MDGA2: variants seen among roughly 807,000 people sequenced by gnomAD.
MDGA2 encodes the protein MAM domain-containing glycosylphosphatidylinositol anchor protein 2.
MDGA2 carries 40 observed loss-of-function variants against 117.8 expected under a neutral mutation model. The observed-to-expected ratio is 0.34, with a 90% CI of 0.26 to 0.44. MDGA2 has a LOEUF of 0.44. Ranked by LOEUF, MDGA2 falls within the 20% of genes least tolerant of loss-of-function variation. The pLI, the probability that MDGA2 is intolerant of heterozygous loss-of-function variation, is 1.00. For synonymous variants in MDGA2, 452 were observed against 439.0 expected (o/e 1.03, Z -0.37); for missense variants, 1,123 against 1,250.6 (o/e 0.90, Z 1.54).
chr14:46,960,678 T>C (rs1010672998), intron 8 of MDGA2: 7 of 151,536 alleles, frequency 4.6e-5, no homozygotes, highest in African/African-American at 1.7e-4. Flanking sequence ...CACACACATA[T>C]ACATACATAT....
At chr14:46,894,953 G>A (rs957504676) in intron 10 of MDGA2, among the ~76,000 whole-genome samples, 1 of 152,148 alleles carries the variant, frequency 6.6e-6, no homozygotes, top group Non-Finnish European at 1.5e-5. Flanking sequence ...AATTAATTTT[G>A]TTATAGATTT....
chr14:47,578,342 C>A (rs1896154571), intron 1 of MDGA2, among the ~76,000 whole-genome samples: 1 of 152,034 alleles, frequency 6.6e-6, no homozygotes, highest in Non-Finnish European at 1.5e-5. Flanking sequence ...ATAGGCCCAG[C>A]ACACCATTGC....
At chr14:47,141,217 A>G (rs1445631619) in intron 4 of MDGA2, among the ~76,000 whole-genome samples, 3 of 152,204 alleles carry the variant, frequency 2.0e-5, no homozygotes, top group Non-Finnish European at 2.9e-5. Context: ...TAGTACAGCC[A>G]TTATGGAAAA....
At chr14:47,620,577 G>A (rs1897031450) in intron 1 of MDGA2, among the ~76,000 whole-genome samples, 1 of 152,092 alleles carries the variant, frequency 6.6e-6, no homozygotes, top group Admixed American at 6.5e-5. Flanking sequence ...CCCTAATTGG[G>A]CCATAAACTT....
intron 2 of MDGA2, among the ~76,000 whole-genome samples, chr14:47,275,719 A>C (rs1888290343): frequency 6.6e-6 from 1 of 152,106 alleles, no homozygotes; most frequent in Non-Finnish European, 1.5e-5. Flanking sequence ...TTCCAGTTTC[A>C]TTTTTAAACA....
intron 7 of MDGA2, among the ~76,000 whole-genome samples, chr14:47,043,585 T>A (rs916088576): frequency 1.3e-5 from 2 of 152,134 alleles, no homozygotes; most frequent in African/African-American, 4.8e-5. Context: ...ATTTCTCAAT[T>A]ACTATTTCTT....
chr14:47,017,748 C>G (rs1489064078), intron 8 of MDGA2, among the ~76,000 whole-genome samples: 1 of 152,030 alleles, frequency 6.6e-6, no homozygotes, highest in South Asian at 2.1e-4. Flanking sequence ...TATATGTTCT[C>G]AAATTTCAGA....
At position 46,841,384 on chromosome 14, in the gene MDGA2, GTTA is replaced by G. The variant is rs1880603857; in HGVS notation, c.*544_*546del. The G allele has an allele frequency of 6.6e-6, 1 of 152,468 alleles. No homozygotes were observed. The highest frequency in any genetic ancestry group is 6.6e-5 in the Admixed American group (1 of 15,240). 9.4% of individuals were successfully genotyped at this position (152,468 alleles called of 1,614,324 possible). ...ATGCTTTAAATAATTCTGAGTTCGG[GTTA>G]TTTTCAAGGAAGGGTAACAGCCAAA... On this transcript the variant is annotated 3_prime_UTR_variant, in exon 17 of 17. Transcript: ENST00000399232.
intron 1 of MDGA2, among the ~76,000 whole-genome samples, chr14:47,379,987 G>T (rs79645480): frequency 6.6e-6 from 1 of 152,234 alleles, no homozygotes; most frequent in South Asian, 2.1e-4. Context: ...GGACTCCTCA[G>T]CAAATGTAAA....
intron 3 of MDGA2, among the ~76,000 whole-genome samples, chr14:47,216,449 TTATTC>T (rs1886092042): frequency 6.6e-6 from 1 of 152,136 alleles, no homozygotes; most frequent in Admixed American, 6.6e-5. Flanking sequence ...CAAAACGTGA[TTATTC>T]AAAGTCTGGT....
intron 1 of MDGA2, among the ~76,000 whole-genome samples, chr14:47,356,435 T>C (rs2138359331): frequency 6.6e-6 from 1 of 152,314 alleles, no homozygotes; most frequent in African/African-American, 2.4e-5. Flanking sequence ...CAGTGGTCTC[T>C]GGGAGGCCAG....
In MDGA2 at chr14:47,672,818, C is replaced by A. The variant is rs374058322; in HGVS notation, c.280+1699G>T. ...ACATCGCTAGAATCCCCGTTTTTCT[C>A]AGCTGTTCAGAGGGCACCGGGGTCC... On this transcript the variant is annotated intron_variant, in intron 1 of 16. Coordinates refer to ENST00000399232, the MANE Select transcript of MDGA2 (RefSeq NM_001113498.3). Among the ~76,000 whole-genome samples the A allele has an allele frequency of 1.7e-4, 26 of 152,124 alleles. No individual in the cohort carries two copies. The East Asian group carries it at 2.1e-3, about 12-fold the overall frequency.
chr14:46,897,501 A>G (rs1883120137), intron 10 of MDGA2, among the ~76,000 whole-genome samples: 1 of 152,136 alleles, frequency 6.6e-6, no homozygotes, highest in Admixed American at 6.6e-5. Flanking sequence ...TCAGTCATTG[A>G]AAGCCATCTG....
At chr14:47,334,947 T>G (rs17118356) in intron 1 of MDGA2, among the ~76,000 whole-genome samples, 4,912 of 152,054 alleles carry the variant, frequency 0.032, 278 homozygotes, top group African/African-American at 0.11. Context: ...GAATGTGAAT[T>G]GCATAACTGC....
chr14:46,911,371 A>T (rs1056201730), intron 10 of MDGA2, among the ~76,000 whole-genome samples: 2 of 152,250 alleles, frequency 1.3e-5, no homozygotes, highest in Admixed American at 6.5e-5. Flanking sequence ...GTTGTACAGC[A>T]GTAGTTACGT....
At chr14:47,057,100 G>A (rs751449128) in intron 7 of MDGA2, among the ~76,000 whole-genome samples, 1 of 152,006 alleles carries the variant, frequency 6.6e-6, no homozygotes, top group Non-Finnish European at 1.5e-5. Context: ...CAGCCCTACA[G>A]TAAAAACAAT....
At chr14:47,642,307 A>G (rs535419832) in intron 1 of MDGA2, among the ~76,000 whole-genome samples, 1 of 152,114 alleles carries the variant, frequency 6.6e-6, no homozygotes, top group African/African-American at 2.4e-5. Context: ...CAAGGCACTT[A>G]GAAAAGGGCG....
intron 1 of MDGA2, among the ~76,000 whole-genome samples, chr14:47,464,372 C>G (rs1218836527): frequency 1.3e-5 from 2 of 151,886 alleles, no homozygotes; most frequent in Non-Finnish European, 2.9e-5. Context: ...AAAGGATATC[C>G]AAATAGGAAG....
intron 8 of MDGA2, among the ~76,000 whole-genome samples, chr14:46,965,982 ACT>A (rs1308300304): frequency 6.9e-6 from 1 of 145,728 alleles, no homozygotes. Context: ...AAAATATATG[ACT>A]CTTATATTAT....
Sources: allele counts gnomAD v4.1 joint callset (sites outside exome capture counted in the v4.1 genomes callset), GRCh38; gene constraint gnomAD v4.1.1; transcripts MANE v1.5; gene names NCBI Gene and HGNC (gene_info 2026-07-23, HGNC 2026-07-21).